Variants in CD2AP observed in about 807,000 individuals in gnomAD.
CD2AP encodes the protein CD2 associated protein.
In CD2AP, 46 loss-of-function variants were observed where a neutral mutation model predicts 85.1. The ratio of observed to expected loss-of-function variants is 0.54; its 90% CI spans 0.43 to 0.69. The LOEUF (loss-of-function observed/expected upper bound fraction) is 0.69. Ranked by LOEUF, CD2AP falls within the 30% of genes least tolerant of loss-of-function variation. CD2AP has a pLI of 0.00. For missense variants in CD2AP, 769 were observed against 729.5 expected, an observed-to-expected ratio of 1.05 and a Z score of -0.62; for synonymous variants, 255 against 252.9, an observed-to-expected ratio of 1.01 and a Z score of -0.08.
At chr6:47,589,411 CAT>C (rs1049235864) in intron 11 of CD2AP, among the ~76,000 whole-genome samples, 13 of 147,238 alleles carry the variant, frequency 8.8e-5, no homozygotes, top group East Asian at 2.0e-4. Context: ...TATACACACA[CAT>C]ATATATACAC....
Position 47,554,677 on chromosome 6 carries a change from A to T in CD2AP, c.452A>T (p.Asn151Ile). Reference sequence around the variant, plus strand: ...GAAGGCTGGTGGAGTGGAACCCTGAATAACAAGTTGGGACTGTTTCCCTCA... The same window carrying T: ...GAAGGCTGGTGGAGTGGAACCCTGATTAACAAGTTGGGACTGTTTCCCTCA... ...VEEGWWSGTL[N>I]NKLGLFPSNF... The change falls in exon 5 of 18, where the codon AAT becomes ATT. Residue 151 changes from asparagine (N) to isoleucine (I), a missense_variant. Transcript: ENST00000359314. 6.2e-7 allele frequency: 1 copy of T among 1,613,840 alleles called. No homozygotes were observed. Among genetic ancestry groups the T allele is most frequent in the Non-Finnish European group, 8.5e-7 (1 of 1,179,816 alleles).
chr6:47,558,687 G>A (rs530961119), intron 5 of CD2AP, among the ~76,000 whole-genome samples: 1 of 152,254 alleles, frequency 6.6e-6, no homozygotes, highest in East Asian at 1.9e-4. Context: ...TGATTGTGGT[G>A]GATAAGCTTT....
intron 2 of CD2AP, among the ~76,000 whole-genome samples, chr6:47,515,800 GA>G (rs892296881): frequency 1.2e-3 from 174 of 146,424 alleles, no homozygotes; most frequent in African/African-American, 4.1e-3. Flanking sequence ...CCTGGAAAAG[GA>G]AAAAAAAAAT....
intron 2 of CD2AP, among the ~76,000 whole-genome samples, chr6:47,522,751 T>C (rs957378358): frequency 1.3e-5 from 2 of 151,994 alleles, no homozygotes; most frequent in African/African-American, 4.8e-5. Context: ...TTTAAAAAAT[T>C]AGTTTGAAAA....
At chr6:47,601,443 T>G (rs984863091) in intron 13 of CD2AP, among the ~76,000 whole-genome samples, 3 of 152,126 alleles carry the variant, frequency 2.0e-5, no homozygotes, top group Admixed American at 2.0e-4. Flanking sequence ...TTAGGCCCTG[T>G]AAAGTTCAGA....
At chr6:47,624,118 C>G (rs1769835414) in intron 17 of CD2AP, 68 bp from the exon 18 acceptor site, 3 of 1,208,014 alleles carry the variant, frequency 2.5e-6, no homozygotes, top group Non-Finnish European at 2.4e-6. Context: ...ATCTTAATGA[C>G]ATAGAGTAAA....
At chr6:47,610,949 T>TTATATATATATATATATA (rs10580325) in intron 16 of CD2AP, among the ~76,000 whole-genome samples, 89 of 114,180 alleles carry the variant, frequency 7.8e-4, no homozygotes, top group African/African-American at 8.4e-4. Flanking sequence ...TATTTCTGAT[T>TTATATATATATATATATA]TATATATATA....
intron 2 of CD2AP, among the ~76,000 whole-genome samples, chr6:47,512,341 C>CA (rs889160502): frequency 1.5e-4 from 23 of 151,362 alleles, no homozygotes; most frequent in South Asian, 8.4e-4. Context: ...GACTCTGTCT[C>CA]AAAAAAAACA....
chr6:47,554,907 TATG>T, intron 5 of CD2AP, 141 bp downstream of exon 5: 1 of 677,328 alleles, frequency 1.5e-6, no homozygotes, highest in Non-Finnish European at 2.4e-6. Flanking sequence ...AAAAGCAAAT[TATG>T]ATGGGGACCT....
At chr6:47,538,285 A>G (rs1397546961) in intron 3 of CD2AP, among the ~76,000 whole-genome samples, 2 of 152,124 alleles carry the variant, frequency 1.3e-5, no homozygotes, top group East Asian at 1.9e-4. Flanking sequence ...CTTCTTACCC[A>G]GGACGGAGTA....
chr6:47,570,613 C>G (rs1036167416), intron 5 of CD2AP, among the ~76,000 whole-genome samples: 7 of 34,114 alleles, frequency 2.1e-4, no homozygotes, highest in African/African-American at 4.4e-4. Flanking sequence ...CTCTCTGTCA[C>G]TTAATGGTTC....
chr6:47,611,857 GA>G (rs1769449964), intron 16 of CD2AP, among the ~76,000 whole-genome samples: 1 of 151,890 alleles, frequency 6.6e-6, no homozygotes, highest in Non-Finnish European at 1.5e-5. Flanking sequence ...TTAGCAGCAT[GA>G]AAATGGTTTA....
chr6:47,544,498 T>C, intron 3 of CD2AP, 108 bp from the exon 4 acceptor site: 1 of 762,026 alleles, frequency 1.3e-6, no homozygotes, highest in Non-Finnish European at 2.2e-6. Flanking sequence ...TCATACGTTC[T>C]GTTTTTATTT....
intron 5 of CD2AP, among the ~76,000 whole-genome samples, chr6:47,566,761 A>G (rs1459812748): frequency 6.6e-6 from 1 of 152,158 alleles, no homozygotes; most frequent in Non-Finnish European, 1.5e-5. Context: ...GATGGCTTCC[A>G]GCGTCATCCA....
chr6:47,596,597 T>G (rs1768957788), intron 12 of CD2AP, among the ~76,000 whole-genome samples: 1 of 152,146 alleles, frequency 6.6e-6, no homozygotes, highest in Non-Finnish European at 1.5e-5. Flanking sequence ...AGGCTTGCTT[T>G]CTTTTTTTAT....
intron 2 of CD2AP, among the ~76,000 whole-genome samples, chr6:47,505,677 A>C (rs1582488003): frequency 5.9e-5 from 3 of 50,666 alleles, no homozygotes; most frequent in Admixed American, 4.1e-4. Context: ...GGGGGGGCTG[A>C]CCCCCCCATC....
At chr6:47,566,323 T>TATATATATATATATACACACACAC in intron 5 of CD2AP, among the ~76,000 whole-genome samples, 38 of 108,384 alleles carry the variant, frequency 3.5e-4, no homozygotes, top group Non-Finnish European at 7.0e-4. Flanking sequence ...TATATATATA[T>TATATATATATATATACACACACAC]ACACATACAC....
At chr6:47,500,879 C>G (rs1253480940) in intron 1 of CD2AP, among the ~76,000 whole-genome samples, 2 of 152,076 alleles carry the variant, frequency 1.3e-5, no homozygotes, top group African/African-American at 2.4e-5. Context: ...TCCTGAGTAG[C>G]TGGGACTACA....
At chr6:47,562,044 G>A (rs1007809256) in intron 5 of CD2AP, among the ~76,000 whole-genome samples, 22 of 152,164 alleles carry the variant, frequency 1.4e-4, no homozygotes, top group Admixed American at 6.5e-4. Context: ...GATTACAGGC[G>A]TGAGCCACTG....
Sources: gnomAD v4.1 joint callset for allele counts (sites outside exome capture counted in the v4.1 genomes callset) on GRCh38, gnomAD v4.1.1 for gene constraint, MANE v1.5 for transcripts, NCBI Gene and HGNC (gene_info 2026-07-23, HGNC 2026-07-21) for gene names.